The following KIAA0319L variants were observed in gnomAD, a reference collection of about 807,000 sequenced individuals.
KIAA0319L encodes KIAA0319 like.
In KIAA0319L, 55 loss-of-function variants were observed where a neutral mutation model predicts 120.1. That is an observed-to-expected ratio of 0.46 (90% CI 0.37 to 0.57). The LOEUF is 0.57. Among genes scored for constraint, KIAA0319L ranks in the 20% least tolerant of loss-of-function variants. KIAA0319L has a pLI of 0.00. For synonymous variants in KIAA0319L, 398 were observed against 471.9 expected (o/e 0.84, Z 2.03); for missense variants, 1,049 against 1,255.3 (o/e 0.84, Z 2.48).
intron 2 of KIAA0319L, among the ~76,000 whole-genome samples, chr1:35,548,121 GAA>G (rs541658700): frequency 1.5e-5 from 2 of 133,822 alleles, no homozygotes; most frequent in South Asian, 2.4e-4. Context: ...ACTCTGTCTC[GAA>G]AAAAAAAAAA....
intron 5 of KIAA0319L, among the ~76,000 whole-genome samples, chr1:35,472,449 G>A (rs1643681352): frequency 6.6e-6 from 1 of 152,192 alleles, no homozygotes; most frequent in African/African-American, 2.4e-5. Flanking sequence ...GTACCACCAC[G>A]TCTGGCTAAT....
At chr1:35,446,151 T>A (rs910595049) in intron 16 of KIAA0319L, among the ~76,000 whole-genome samples, 1 of 152,158 alleles carries the variant, frequency 6.6e-6, no homozygotes, top group Non-Finnish European at 1.5e-5. Flanking sequence ...TCTCTGGGGC[T>A]AAGGCTTGGG....
intron 17 of KIAA0319L, 36 bp downstream of exon 17, chr1:35,444,125 G>C (rs535105734): frequency 6.4e-7 from 1 of 1,555,256 alleles, no homozygotes; most frequent in Non-Finnish European, 8.7e-7. Context: ...CAGGCACTAG[G>C]TAGGCTCTTG....
At chr1:35,502,605 C>T (rs575939540) in intron 3 of KIAA0319L, among the ~76,000 whole-genome samples, 4 of 152,158 alleles carry the variant, frequency 2.6e-5, no homozygotes, top group Middle Eastern at 3.4e-3. Flanking sequence ...CACAGCTCAC[C>T]CTAGATTCTG....
intron 5 of KIAA0319L, among the ~76,000 whole-genome samples, chr1:35,472,094 T>C (rs554034018): frequency 6.6e-6 from 1 of 152,216 alleles, no homozygotes; most frequent in African/African-American, 2.4e-5. Context: ...TAGAAAACAG[T>C]TTGGGAACAG....
intron 3 of KIAA0319L, among the ~76,000 whole-genome samples, chr1:35,497,298 C>G (rs922475731): frequency 4.6e-5 from 7 of 151,448 alleles, no homozygotes; most frequent in African/African-American, 1.7e-4. Flanking sequence ...CAACTCTATG[C>G]ATTTACTAAA....
At chr1:35,465,881 T>C (rs1456060158) in intron 7 of KIAA0319L, among the ~76,000 whole-genome samples, 1 of 152,168 alleles carries the variant, frequency 6.6e-6, no homozygotes, top group Admixed American at 6.5e-5. Context: ...ACAAACTCTC[T>C]TTTTGCTTGT....
chr1:35,456,915 TGAAGGAAGGAAGGAAGGAAGGAAGGAAG>T (rs71062877), intron 9 of KIAA0319L, among the ~76,000 whole-genome samples: 2 of 110,006 alleles, frequency 1.8e-5, no homozygotes, highest in Non-Finnish European at 3.9e-5. Flanking sequence ...AAGGAAGGAA[TGAAGGAAGGAAGGAAGGAAGGAAGGAAG>T]GAAGGAAGGA....
At chr1:35,517,286 G>A (rs1175855212) in intron 2 of KIAA0319L, among the ~76,000 whole-genome samples, 1 of 152,102 alleles carries the variant, frequency 6.6e-6, no homozygotes, top group Non-Finnish European at 1.5e-5. Flanking sequence ...CAAAGCTGGT[G>A]GTACCACGTT....
chr1:35,474,915 A>C lies in KIAA0319L; in HGVS notation c.914-9T>G, dbSNP rs1270371439. 2 of 1,438,484 alleles carry C rather than the reference A, an allele frequency of 1.4e-6. No homozygotes were observed. The highest frequency in any genetic ancestry group is 1.4e-5 in the African/African-American group (1 of 71,262). The allele number at this position is 1,438,484 out of a possible 1,614,324, so 89.1% of individuals were successfully genotyped here. A position where few individuals can be genotyped will look rare whatever the true frequency, so the allele number is the denominator to read the frequency against. On this transcript the variant is annotated splice_polypyrimidine_tract_variant and intron_variant, in intron 4 of 20. Coordinates refer to ENST00000325722, the MANE Select transcript of KIAA0319L (RefSeq NM_024874.5). The stretch of plus-strand genomic sequence containing the variant: ...CACCAGTTCCTTTATAACTGGAAAC[A>C]AAGTAAATATACCAGAGATAAGAAA...
chr1:35,465,408 C>A (rs999711269), intron 7 of KIAA0319L, among the ~76,000 whole-genome samples: 2 of 152,136 alleles, frequency 1.3e-5, no homozygotes, highest in Admixed American at 6.5e-5. Flanking sequence ...TTGCATGGGG[C>A]CTGTAACCCC....
chr1:35,485,044 T>C (rs895333018), intron 3 of KIAA0319L, among the ~76,000 whole-genome samples: 3 of 145,838 alleles, frequency 2.1e-5, no homozygotes, highest in African/African-American at 5.1e-5. Flanking sequence ...CTAAATCTAA[T>C]AGCTGGGCCT....
chr1:35,468,429 T>G (rs1404971844), intron 6 of KIAA0319L, among the ~76,000 whole-genome samples: 1 of 152,190 alleles, frequency 6.6e-6, no homozygotes, highest in Non-Finnish European at 1.5e-5. Context: ...TTGAGGTTGA[T>G]GTGCAAATAT....
chr1:35,492,849 C>T (rs920687884), intron 3 of KIAA0319L, among the ~76,000 whole-genome samples: 5 of 152,114 alleles, frequency 3.3e-5, no homozygotes, highest in Non-Finnish European at 5.9e-5. Context: ...TGTAGACTTT[C>T]GCCACTTGGA....
intron 2 of KIAA0319L, among the ~76,000 whole-genome samples, chr1:35,537,116 T>TA (rs1646605014): frequency 6.6e-6 from 1 of 152,168 alleles, no homozygotes; most frequent in Non-Finnish European, 1.5e-5. Context: ...TGCCTATACA[T>TA]AAAAGTGGTT....
chr1:35,552,194 TA>T (rs763807294), intron 2 of KIAA0319L, among the ~76,000 whole-genome samples: 10 of 152,222 alleles, frequency 6.6e-5, no homozygotes, highest in Non-Finnish European at 1.5e-4. Context: ...ATACAAAAAT[TA>T]GCTGGGTGTG....
At chr1:35,495,079 T>C (rs746133527) in intron 3 of KIAA0319L, among the ~76,000 whole-genome samples, 1 of 152,032 alleles carries the variant, frequency 6.6e-6, no homozygotes, top group Non-Finnish European at 1.5e-5. Flanking sequence ...CCTAAACTTA[T>C]GAAACTTTTA....
At chr1:35,456,544 GCA>G (rs750826411) in intron 9 of KIAA0319L, among the ~76,000 whole-genome samples, 3 of 151,844 alleles carry the variant, frequency 2.0e-5, no homozygotes, top group Non-Finnish European at 4.4e-5. Flanking sequence ...AGGTGCGTTG[GCA>G]CACACCTGTA....
chr1:35,524,020 A>G (rs978386422), intron 2 of KIAA0319L, among the ~76,000 whole-genome samples: 1 of 152,202 alleles, frequency 6.6e-6, no homozygotes, highest in Admixed American at 6.5e-5. Context: ...AAGAAAAAGA[A>G]GAGGATGGAA....
Sources: allele counts gnomAD v4.1 joint callset (sites outside exome capture counted in the v4.1 genomes callset), GRCh38; gene constraint gnomAD v4.1.1; transcripts MANE v1.5; gene names NCBI Gene and HGNC (gene_info 2026-07-23, HGNC 2026-07-21).